The following LCORL variants were observed in gnomAD, a reference collection of about 807,000 sequenced individuals.
LCORL encodes the protein ligand-dependent nuclear receptor corepressor-like protein.
In LCORL, 41 loss-of-function variants were observed where a neutral mutation model predicts 141.8. The observed-to-expected ratio is 0.29, with a 90% CI of 0.23 to 0.38. The LOEUF (loss-of-function observed/expected upper bound fraction) is 0.38, where lower values mean the gene tolerates loss of function less well. Among genes scored for constraint, LCORL ranks in the 10% least tolerant of loss-of-function variants. The pLI, the probability that LCORL is intolerant of heterozygous loss-of-function variation, is 1.00. For synonymous variants in LCORL, 618 were observed against 694.1 expected (o/e 0.89, Z 1.72); for missense variants, 1,759 against 2,035.0 (o/e 0.86, Z 2.61).
chr4:17,941,848 T>C (rs551450477), intron 4 of LCORL, among the ~76,000 whole-genome samples: 5 of 118,150 alleles, frequency 4.2e-5, no homozygotes, highest in East Asian at 4.3e-4. Flanking sequence ...TTTCCCATGA[T>C]AGAATTTTTT....
At chr4:17,975,536 A>G (rs1344543202) in intron 1 of LCORL, among the ~76,000 whole-genome samples, 2 of 152,046 alleles carry the variant, frequency 1.3e-5, no homozygotes, top group Non-Finnish European at 2.9e-5. Context: ...AGCTAGGACT[A>G]AAGGCACATG....
At chr4:18,019,342 A>G (rs1003549260) in intron 1 of LCORL, among the ~76,000 whole-genome samples, 2 of 152,236 alleles carry the variant, frequency 1.3e-5, no homozygotes, top group African/African-American at 4.8e-5. Context: ...ATCTCAATAA[A>G]TAAATAAATA....
At chr4:17,890,794 T>C (rs893935277) in intron 5 of LCORL, among the ~76,000 whole-genome samples, 3 of 151,994 alleles carry the variant, frequency 2.0e-5, no homozygotes, top group South Asian at 2.1e-4. Context: ...CATGGCCACA[T>C]TGGGCAATTT....
At chr4:17,883,511 T>C in intron 6 of LCORL, 1 of 1,303,508 alleles carries the variant, frequency 7.7e-7, no homozygotes, top group Non-Finnish European at 9.7e-7. Flanking sequence ...ACTATATAAT[T>C]CTGTCCACAG....
chr4:17,891,832 T>C (rs1577343147), intron 5 of LCORL, among the ~76,000 whole-genome samples: 5 of 152,226 alleles, frequency 3.3e-5, no homozygotes, highest in Admixed American at 1.3e-4. Flanking sequence ...ACAATGGTGA[T>C]CTTTGGTTGA....
At chr4:17,845,895 T>C (rs756980003) in exon 8 of LCORL, 2 of 1,601,392 alleles carry the variant, frequency 1.2e-6, no homozygotes, top group Non-Finnish European at 1.7e-6. Flanking sequence ...TTTTCACTTG[T>C]AGCATGCTGG....
At chr4:17,990,096 G>GT (rs372033680) in intron 1 of LCORL, among the ~76,000 whole-genome samples, 10,547 of 122,582 alleles carry the variant, frequency 0.086, 618 homozygotes, top group African/African-American at 0.098. Context: ...AACTCTCTGC[G>GT]TTTTTTTTTT....
intron 1 of LCORL, among the ~76,000 whole-genome samples, chr4:17,990,936 A>G (rs1451174616): frequency 6.6e-6 from 1 of 152,194 alleles, no homozygotes. Flanking sequence ...CACAACAATG[A>G]TTTGAAAGCA....
At chr4:17,902,008 G>C (rs1424321223) in intron 5 of LCORL, among the ~76,000 whole-genome samples, 1 of 151,848 alleles carries the variant, frequency 6.6e-6, no homozygotes, top group Non-Finnish European at 1.5e-5. Flanking sequence ...AAGGAGACCT[G>C]GAAAAAAAAT....
At chr4:17,843,341 G>T in exon 8 of LCORL, 1 of 1,611,962 alleles carries the variant, frequency 6.2e-7, no homozygotes, top group South Asian at 1.1e-5. Context: ...AAATGAAGAT[G>T]AGACTACCAA....
chr4:17,975,076 AT>A (rs1716691826), intron 1 of LCORL, among the ~76,000 whole-genome samples: 1 of 151,510 alleles, frequency 6.6e-6, no homozygotes, highest in South Asian at 2.1e-4. Flanking sequence ...TATGTTTTTC[AT>A]TTCTGCCCTT....
At chr4:17,981,727 G>C (rs2109724321) in intron 1 of LCORL, among the ~76,000 whole-genome samples, 1 of 152,154 alleles carries the variant, frequency 6.6e-6, no homozygotes, top group East Asian at 1.9e-4. Context: ...TGGATGACAG[G>C]CTAGAGTCAT....
intron 1 of LCORL, among the ~76,000 whole-genome samples, chr4:17,999,679 T>C (rs907362372): frequency 6.6e-6 from 1 of 152,218 alleles, no homozygotes; most frequent in African/African-American, 2.4e-5. Context: ...TTTATCTCAG[T>C]GATTTAACTT....
At chr4:17,875,053 T>C (rs1726769444) in exon 7 of LCORL, 1 of 1,233,720 alleles carries the variant, frequency 8.1e-7, no homozygotes, top group Middle Eastern at 2.1e-4. Flanking sequence ...TTTTTAAATA[T>C]ATCAGCTTCA....
intron 5 of LCORL, among the ~76,000 whole-genome samples, chr4:17,890,864 ATAAACTGTTTTCT>A (rs1482410394): frequency 6.6e-6 from 1 of 152,080 alleles, no homozygotes; most frequent in Non-Finnish European, 1.5e-5. Context: ...TTTTTCATTT[ATAAACTGTTTTCT>A]TTCCTGTATT....
chr4:17,878,366 C>G (rs1028725950), intron 6 of LCORL, 153 bp from the exon 7 acceptor site: 17 of 193,954 alleles, frequency 8.8e-5, no homozygotes, highest in Non-Finnish European at 1.4e-4. Flanking sequence ...TATTGTTTAG[C>G]AAAAATATAA....
intron 1 of LCORL, among the ~76,000 whole-genome samples, chr4:18,004,547 G>A (rs892909772): frequency 6.6e-6 from 1 of 152,148 alleles, no homozygotes; most frequent in Non-Finnish European, 1.5e-5. Flanking sequence ...CCTCCCACCA[G>A]GTTCCTATCG....
At chr4:17,989,616 T>C (rs533848273) in intron 1 of LCORL, among the ~76,000 whole-genome samples, 1 of 152,348 alleles carries the variant, frequency 6.6e-6, no homozygotes, top group South Asian at 2.1e-4. Context: ...GTACCCTCAA[T>C]ATCTTCATAT....
chr4:17,975,971 G>A (rs1426989174), intron 1 of LCORL, among the ~76,000 whole-genome samples: 1 of 151,916 alleles, frequency 6.6e-6, no homozygotes, highest in Non-Finnish European at 1.5e-5. Flanking sequence ...CTGTTATTGG[G>A]TACATTTATA....
Sources: allele counts gnomAD v4.1 joint callset (sites outside exome capture counted in the v4.1 genomes callset), GRCh38; gene constraint gnomAD v4.1.1; transcripts MANE v1.5; gene names NCBI Gene and HGNC (gene_info 2026-07-23, HGNC 2026-07-21).